The following KCNT2 variants were observed in gnomAD, a reference collection of about 807,000 sequenced individuals.
KCNT2 encodes the protein potassium channel subfamily T member 2.
KCNT2 carries 67 observed loss-of-function variants against 153.8 expected under a neutral mutation model. The observed-to-expected ratio is 0.44, with a 90% CI of 0.36 to 0.53. The LOEUF is 0.53. Among genes scored for constraint, KCNT2 ranks in the 20% least tolerant of loss-of-function variants. The pLI is 0.00. For synonymous variants in KCNT2, 500 were observed against 458.8 expected (o/e 1.09, Z -1.15); for missense variants, 975 against 1,354.8 (o/e 0.72, Z 4.40).
chr1:196,429,869 T>A (rs1339522072), intron 8 of KCNT2, 112 bp from the exon 9 acceptor site: 1 of 637,916 alleles, frequency 1.6e-6, no homozygotes, highest in East Asian at 2.8e-5. Flanking sequence ...TAATAGTCCC[T>A]CTTATATTTT....
At chr1:196,467,476 A>G (rs1001707072) in intron 7 of KCNT2, among the ~76,000 whole-genome samples, 1 of 152,092 alleles carries the variant, frequency 6.6e-6, no homozygotes, top group South Asian at 2.1e-4. Flanking sequence ...AAATGAAACA[A>G]TTTACTATGA....
At chr1:196,404,728 T>C (rs1205765481) in intron 12 of KCNT2, among the ~76,000 whole-genome samples, 1 of 151,588 alleles carries the variant, frequency 6.6e-6, no homozygotes, top group African/African-American at 2.4e-5. Context: ...TTTTAAAAGT[T>C]GGTCCTCCCT....
intron 8 of KCNT2, among the ~76,000 whole-genome samples, chr1:196,461,297 A>G (rs1572534152): frequency 6.6e-6 from 1 of 151,868 alleles, no homozygotes; most frequent in South Asian, 2.1e-4. Context: ...ATATTTTTAA[A>G]CAATAAATGA....
intron 25 of KCNT2, among the ~76,000 whole-genome samples, chr1:196,266,031 C>G (rs1443710332): frequency 1.3e-5 from 2 of 152,126 alleles, no homozygotes; most frequent in Admixed American, 1.3e-4. Context: ...AAAAACAAAA[C>G]TGGATATAGG....
chr1:196,244,974 C>T (rs1655305575), intron 26 of KCNT2, among the ~76,000 whole-genome samples: 2 of 152,106 alleles, frequency 1.3e-5, no homozygotes, highest in Admixed American at 6.6e-5. Context: ...TGTGTTATCC[C>T]TTCCCCAGCT....
chr1:196,281,080 G>T (rs1426382010), intron 24 of KCNT2, 92 bp from the exon 25 acceptor site: 4 of 989,810 alleles, frequency 4.0e-6, no homozygotes, highest in Non-Finnish European at 6.1e-6. Flanking sequence ...TATTTTTGTG[G>T]GGGGCAGGGT....
rs183401438 is a variant in KCNT2 at position 196,273,912 on chromosome 1, T to A, written c.2910+6948A>T. 2.7e-3 allele frequency among the ~76,000 whole-genome samples: 416 copies of A among 151,756 alleles called. 2 individuals are homozygous for A. The highest frequency in any genetic ancestry group is 2.9e-3 in the Non-Finnish European group (198 of 67,690). On this transcript the variant is annotated intron_variant, in intron 25 of 27. Coordinates refer to ENST00000294725, the MANE Select transcript of KCNT2 (RefSeq NM_198503.5). ...TTAATATGCTTTAAGTATAAAAGTTTGATAGAAAAAGTGGTGCTTGTAGAA... is the reference window on the plus strand; with the variant it reads ...TTAATATGCTTTAAGTATAAAAGTTAGATAGAAAAAGTGGTGCTTGTAGAA...
intron 26 of KCNT2, among the ~76,000 whole-genome samples, chr1:196,243,798 G>T (rs1026121523): frequency 6.6e-6 from 1 of 152,104 alleles, no homozygotes. Flanking sequence ...GGAAGTCCTG[G>T]AGCTGTGTTG....
rs751434815 is a variant in KCNT2 at position 196,315,880 on chromosome 1, T to A, written c.2483+12A>T. ...AAAGTAAGTGGCAAGGTTGGATGATTCAGCCACTTACCTGAAGAGTGTCTG... is the reference window on the plus strand; with the variant it reads ...AAAGTAAGTGGCAAGGTTGGATGATACAGCCACTTACCTGAAGAGTGTCTG... On this transcript the variant is annotated intron_variant, in intron 21 of 27. Transcript: ENST00000294725. 6.3e-7 allele frequency: 1 copy of A among 1,597,732 alleles called. No individual in the cohort carries two copies. The highest frequency in any genetic ancestry group is 1.3e-5 in the African/African-American group (1 of 74,166).
At chr1:196,506,576 G>T (rs2148783416) in intron 1 of KCNT2, among the ~76,000 whole-genome samples, 1 of 152,214 alleles carries the variant, frequency 6.6e-6, no homozygotes, top group Middle Eastern at 3.4e-3. Flanking sequence ...TACTCATTAA[G>T]ACTTGCTTCA....
intron 25 of KCNT2, among the ~76,000 whole-genome samples, chr1:196,278,663 C>G (rs542992665): frequency 6.6e-6 from 1 of 152,130 alleles, no homozygotes; most frequent in Admixed American, 6.5e-5. Context: ...TATTATAATA[C>G]ATAATACTGA....
At chr1:196,345,214 G>A (rs961068175) in intron 14 of KCNT2, among the ~76,000 whole-genome samples, 3 of 152,184 alleles carry the variant, frequency 2.0e-5, no homozygotes, top group Non-Finnish European at 4.4e-5. Flanking sequence ...GTTGTGTTTA[G>A]AGGTGATAAT....
intron 8 of KCNT2, among the ~76,000 whole-genome samples, chr1:196,438,870 GA>G (rs1284157039): frequency 2.0e-5 from 3 of 150,372 alleles, no homozygotes; most frequent in Admixed American, 6.7e-5. Context: ...GTAATATTTT[GA>G]AAAAAAATCC....
intron 22 of KCNT2, among the ~76,000 whole-genome samples, chr1:196,290,203 T>A (rs1248881629): frequency 6.6e-6 from 1 of 152,108 alleles, no homozygotes; most frequent in African/African-American, 2.4e-5. Context: ...AATCATAATG[T>A]AATTCCTAAA....
chr1:196,302,866 C>A (rs1661313751), intron 22 of KCNT2, among the ~76,000 whole-genome samples: 1 of 151,908 alleles, frequency 6.6e-6, no homozygotes, highest in African/African-American at 2.4e-5. Context: ...AAAGAATTTT[C>A]CACAGCTTTA....
intron 8 of KCNT2, among the ~76,000 whole-genome samples, chr1:196,443,327 T>TTA (rs1675406688): frequency 6.6e-6 from 1 of 151,522 alleles, no homozygotes; most frequent in African/African-American, 2.4e-5. Context: ...CATTTTCAAG[T>TTA]TATTTTGGGG....
At chr1:196,425,814 A>G in intron 11 of KCNT2, 38 bp downstream of exon 11, 1 of 1,606,020 alleles carries the variant, frequency 6.2e-7, no homozygotes, top group Non-Finnish European at 8.5e-7. Context: ...AAGTCACTCA[A>G]AACTGTAAGC....
At chr1:196,583,765 TA>T (rs1219897535) in intron 1 of KCNT2, among the ~76,000 whole-genome samples, 1 of 151,910 alleles carries the variant, frequency 6.6e-6, no homozygotes, top group Non-Finnish European at 1.5e-5. Context: ...TCAGAAATTT[TA>T]AGAGAAACGT....
At chr1:196,376,085 A>G (rs149629162) in intron 13 of KCNT2, among the ~76,000 whole-genome samples, 329 of 151,916 alleles carry the variant, frequency 2.2e-3, no homozygotes, top group Non-Finnish European at 4.1e-3. Flanking sequence ...GCCTGAATTA[A>G]AATACTGAAA....
Sources: gnomAD v4.1 joint callset for allele counts (sites outside exome capture counted in the v4.1 genomes callset) on GRCh38, gnomAD v4.1.1 for gene constraint, MANE v1.5 for transcripts, NCBI Gene and HGNC (gene_info 2026-07-23, HGNC 2026-07-21) for gene names.